KIF19: variants seen among roughly 807,000 people sequenced by gnomAD.
KIF19 encodes the protein kinesin family member 19, also known as kinesin-like protein KIF19.
Under a neutral mutation model 106.6 loss-of-function variants are expected in KIF19, and 98 were observed. That is an observed-to-expected ratio of 0.92 (90% CI 0.78 to 1.09). KIF19 has a LOEUF of 1.09. Ranked by LOEUF, KIF19 falls within the 50% of genes least tolerant of loss-of-function variation. KIF19 has a pLI of 0.00. For missense variants in KIF19, 1,373 were observed against 1,414.3 expected, an observed-to-expected ratio of 0.97 and a Z score of 0.47; for synonymous variants, 516 against 584.2, an observed-to-expected ratio of 0.88 and a Z score of 1.68.
chr17:74,337,865 G>A (rs1250796119), intron 2 of KIF19, among the ~76,000 whole-genome samples: 5 of 152,226 alleles, frequency 3.3e-5, no homozygotes, highest in Non-Finnish European at 5.9e-5. Context: ...GGCTCACCTG[G>A]AGGAGGGGCA....
At chr17:74,354,068 G>A in intron 17 of KIF19, 94 bp from the exon 18 acceptor site, 1 of 1,374,154 alleles carries the variant, frequency 7.3e-7, no homozygotes, top group Non-Finnish European at 9.8e-7. Context: ...TGAAACCCAG[G>A]AGGTCTGGCT....
intron 5 of KIF19, among the ~76,000 whole-genome samples, chr17:74,343,603 T>C (rs960607138): frequency 1.1e-4 from 17 of 152,288 alleles, no homozygotes; most frequent in African/African-American, 3.8e-4. Flanking sequence ...CAGACAGTGA[T>C]GGGATGTCAG....
chr17:74,330,098 T>C (rs2054035292), intron 2 of KIF19, among the ~76,000 whole-genome samples: 1 of 152,214 alleles, frequency 6.6e-6, no homozygotes, highest in Non-Finnish European at 1.5e-5. Context: ...TCTTTGCCCA[T>C]ATTCCTTCTT....
intron 1 of KIF19, among the ~76,000 whole-genome samples, chr17:74,327,866 A>G (rs2053957020): frequency 6.6e-6 from 1 of 152,110 alleles, no homozygotes; most frequent in Admixed American, 6.5e-5. Flanking sequence ...TCCCCACTCC[A>G]CCCTGTTCTT....
At position 74,350,572 on chromosome 17, in the gene KIF19, C is replaced by T. The variant is rs760064639; in HGVS notation, c.1385C>T (p.Ala462Val). The T allele has an allele frequency of 6.2e-7, 1 of 1,612,798 alleles. No homozygotes were observed. Among genetic ancestry groups the T allele is most frequent in the South Asian group, 1.1e-5 (1 of 91,032 alleles). Residue 462 changes from alanine (A) to valine (V), a missense_variant, in exon 11 of 20, where the codon GCC becomes GTC. Physicochemically the swap from Ala to Val is moderately conservative, Grantham distance 64. Coordinates refer to ENST00000389916, the MANE Select transcript of KIF19 (RefSeq NM_153209.4). Reference sequence around the variant, plus strand: ...ACCTCCCGACACCTGCTCACCATCGCCGGGTAAGCCCCCCTCCCAGGACCC... The same window carrying T: ...ACCTCCCGACACCTGCTCACCATCGTCGGGTAAGCCCCCCTCCCAGGACCC... ...IDTSRHLLTI[A>V]GWKHEKSRRA...
rs1324512061 is a variant in KIF19 at position 74,352,284 on chromosome 17, G to C, written c.1924G>C (p.Glu642Gln). 7.4e-6 allele frequency: 12 copies of C among 1,612,626 alleles called. No individual in the cohort carries two copies. Among genetic ancestry groups the C allele is most frequent in the Non-Finnish European group, 9.3e-6 (11 of 1,179,660 alleles). Residue 642 changes from glutamate (E) to glutamine (Q), a missense_variant, in exon 14 of 20, where the codon GAG becomes CAG. Glu to Gln is a conservative substitution (Grantham distance 29, BLOSUM62 2). Coordinates refer to ENST00000389916, the MANE Select transcript of KIF19 (RefSeq NM_153209.4). The part of the protein sequence containing the change: ...LYEVYLRELE[E>Q]GSLEQATIMD... Reference sequence around the variant, plus strand: ...CGAAGTGTACCTGCGGGAGCTGGAGGAGGGCAGCCTGGAGCAGGCCACCAT... The same window carrying C: ...CGAAGTGTACCTGCGGGAGCTGGAGCAGGGCAGCCTGGAGCAGGCCACCAT...
intron 2 of KIF19, among the ~76,000 whole-genome samples, chr17:74,334,826 G>A: frequency 6.6e-6 from 1 of 152,206 alleles, no homozygotes; most frequent in Non-Finnish European, 1.5e-5. Flanking sequence ...AGTTTTACCT[G>A]TAAGAATGAA....
At chr17:74,344,688 C>A in intron 6 of KIF19, 73 bp from the exon 7 acceptor site, 3 of 1,468,112 alleles carry the variant, frequency 2.0e-6, no homozygotes, top group Non-Finnish European at 2.8e-6. Flanking sequence ...CCCTGCTAGC[C>A]CCCTCAGGGG....
At position 74,346,443 on chromosome 17, in the gene KIF19, C is replaced by T. The variant is rs771120550; in HGVS notation, c.843C>T (p.Gly281=). 1 of 1,566,276 alleles carries T rather than the reference C, an allele frequency of 6.4e-7. No individual in the cohort carries two copies. Among genetic ancestry groups the T allele is most frequent in the South Asian group, 1.2e-5 (1 of 84,880 alleles). ...AHINRSLLAL[G]NCINALSDKG... ...TCAACCGCTCACTGCTGGCACTGGG[C>T]AACTGCATCAACGCCCTGAGCGACA... The change falls in exon 8 of 20, where the codon GGC becomes GGT. Residue 281 remains glycine, a synonymous_variant. Transcript: ENST00000389916. The surrounding 1 kb of genome is among the most constrained non-coding windows in gnomAD (Gnocchi z 4.6).
rs895297405 is a variant in KIF19 at position 74,331,081 on chromosome 17, A to G, written c.120+2576A>G. On this transcript the variant is annotated intron_variant, in intron 2 of 19. Transcript: ENST00000389916. This position sits in a 1 kb window ranked among gnomAD's most constrained non-coding sequence, Gnocchi z 4.1. ...GCCTGGCAAGTAGGAGACAAGATAC[A>G]TGAACCCAGGAAGCAAAATGCACAT... 6.6e-6 allele frequency among the ~76,000 whole-genome samples: 1 copy of G among 152,146 alleles called. No homozygotes were observed. The highest frequency in any genetic ancestry group is 2.4e-5 in the African/African-American group (1 of 41,426).
At chr17:74,328,399 C>T in intron 1 of KIF19, 26 bp from the exon 2 acceptor site, 1 of 1,590,032 alleles carries the variant, frequency 6.3e-7, no homozygotes, top group Non-Finnish European at 8.6e-7. Context: ...TCCCTCTAAT[C>T]CCAGGGGCTT....
intron 2 of KIF19, among the ~76,000 whole-genome samples, chr17:74,336,451 C>T (rs901525539): frequency 5.3e-5 from 8 of 152,180 alleles, no homozygotes; most frequent in African/African-American, 1.4e-4. Flanking sequence ...CTTTTCATAA[C>T]GACACTCGTC....
chr17:74,328,335 G>A, intron 1 of KIF19, 90 bp from the exon 2 acceptor site: 1 of 1,211,528 alleles, frequency 8.3e-7, no homozygotes, highest in Non-Finnish European at 1.2e-6. Context: ...ATGGCTGAAT[G>A]CTAGAGAAGC....
chr17:74,340,190 T>G (rs1034075840), intron 2 of KIF19, among the ~76,000 whole-genome samples: 1 of 152,126 alleles, frequency 6.6e-6, no homozygotes, highest in African/African-American at 2.4e-5. Flanking sequence ...GGGCCCTCAG[T>G]GCCTACCCTG....
At chr17:74,340,569 A>ACACACACACACACG (rs2054343579) in intron 2 of KIF19, among the ~76,000 whole-genome samples, 3 of 151,936 alleles carry the variant, frequency 2.0e-5, no homozygotes, top group Non-Finnish European at 2.9e-5. Flanking sequence ...ACACACACAC[A>ACACACACACACACG]CACACTGCTG....
rs760474781 is a variant in KIF19, at chr17:74,354,316, G to A, written c.2463G>A (p.Ala821=). The part of the protein sequence containing the change: ...SLHSLSEGDD[A]RPPGPLACKR... ...ACTCACTGAGCGAGGGCGACGATGC[G>A]CGGCCACCAGGCCCACTGGCCTGCA... Residue 821 remains alanine, a synonymous_variant, in exon 18 of 20, where the codon GCG becomes GCA. Transcript: ENST00000389916. The A allele has an allele frequency of 7.5e-6, 12 of 1,607,904 alleles. No homozygotes were observed. Among genetic ancestry groups the A allele is most frequent in the East Asian group, 4.5e-5 (2 of 44,794 alleles).
intron 2 of KIF19, among the ~76,000 whole-genome samples, chr17:74,336,452 G>A (rs750938056): frequency 6.6e-6 from 1 of 152,094 alleles, no homozygotes; most frequent in Non-Finnish European, 1.5e-5. Flanking sequence ...TTTTCATAAC[G>A]ACACTCGTCA....
intron 2 of KIF19, among the ~76,000 whole-genome samples, chr17:74,340,630 T>A (rs1277850228): frequency 6.6e-6 from 1 of 151,972 alleles, no homozygotes; most frequent in Non-Finnish European, 1.5e-5. Flanking sequence ...GGCCCACCCA[T>A]GGCCTGTCCT....
At chr17:74,337,809 C>T (rs1023355753) in intron 2 of KIF19, among the ~76,000 whole-genome samples, 2 of 152,218 alleles carry the variant, frequency 1.3e-5, no homozygotes, top group Admixed American at 6.5e-5. Flanking sequence ...GCTGGTCTCC[C>T]TGGCAGCTCA....
Sources: gnomAD v4.1 joint callset for allele counts (sites outside exome capture counted in the v4.1 genomes callset) on GRCh38, gnomAD v4.1.1 for gene constraint, Gnocchi (gnomAD v3.1) non-coding constraint, MANE v1.5 for transcripts, NCBI Gene and HGNC (gene_info 2026-07-23, HGNC 2026-07-21) for gene names.